CDH13: variants seen among roughly 807,000 people sequenced by gnomAD.
The protein encoded by CDH13 is cadherin-13.
A neutral mutation model predicts 63.8 loss-of-function variants in CDH13; 24 were observed. That is an observed-to-expected ratio of 0.38 (90% confidence interval 0.27 to 0.53). The LOEUF is 0.53. CDH13 is among the 20% of genes least tolerant of loss of function. The probability of loss-of-function intolerance (pLI) is 0.85; values close to 1 mark genes in which losing one functional copy is unlikely to be tolerated. For missense variants in CDH13, 1,049 were observed against 903.1 expected (o/e 1.16, Z -2.07); for synonymous variants, 503 against 355.3 (o/e 1.42, Z -4.67).
chr16:82,820,303 A>G (rs2037942790), intron 1 of CDH13, among the ~76,000 whole-genome samples: 1 of 152,234 alleles, frequency 6.6e-6, no homozygotes, highest in Admixed American at 6.5e-5. Flanking sequence ...GTTGGTACTC[A>G]TAAAAGACCA....
At chr16:82,868,185 T>A (rs1005531413) in intron 2 of CDH13, among the ~76,000 whole-genome samples, 6 of 152,212 alleles carry the variant, frequency 3.9e-5, no homozygotes, top group African/African-American at 1.4e-4. Context: ...CAAGGAAAAT[T>A]ATTCTGGTAT....
intron 5 of CDH13, among the ~76,000 whole-genome samples, chr16:83,285,126 G>A (rs578254397): frequency 1.3e-5 from 2 of 152,178 alleles, no homozygotes; most frequent in South Asian, 4.1e-4. Flanking sequence ...TTTGTCTGGA[G>A]GACCAGAGTA....
At chr16:82,863,124 C>G (rs1319656717) in intron 2 of CDH13, among the ~76,000 whole-genome samples, 2 of 152,110 alleles carry the variant, frequency 1.3e-5, no homozygotes, top group African/African-American at 4.8e-5. Context: ...AAGATCCTAA[C>G]AAAATGATGT....
At chr16:83,100,968 A>C (rs1472247578) in intron 3 of CDH13, among the ~76,000 whole-genome samples, 1 of 152,128 alleles carries the variant, frequency 6.6e-6, no homozygotes, top group Non-Finnish European at 1.5e-5. Context: ...TGGATGATTG[A>C]ATTCTTTCTC....
At chr16:83,249,415 C>T (rs995494474) in intron 5 of CDH13, among the ~76,000 whole-genome samples, 4 of 152,226 alleles carry the variant, frequency 2.6e-5, no homozygotes, top group African/African-American at 9.6e-5. Flanking sequence ...GGTTAAGTTA[C>T]AGCAGATAAC....
At chr16:83,778,709 T>C (rs1269356889) in intron 11 of CDH13, among the ~76,000 whole-genome samples, 1 of 152,236 alleles carries the variant, frequency 6.6e-6, no homozygotes, top group Non-Finnish European at 1.5e-5. Flanking sequence ...TGTAGCCAGC[T>C]AGTGATCTCA....
Position 83,088,215 on chromosome 16 carries a change from A to G in CDH13, c.367-37170A>G, listed in dbSNP as rs548745466. Among the ~76,000 whole-genome samples, 6 of 152,276 alleles carry G rather than the reference A, an allele frequency of 3.9e-5. No homozygotes were observed. The South Asian group carries it at 8.3e-4, about 21-fold the overall frequency. On this transcript the variant is annotated intron_variant, in intron 3 of 13. Coordinates refer to ENST00000567109, the MANE Select transcript of CDH13 (RefSeq NM_001257.5). Reference sequence around the variant, plus strand: ...TTTAGTTTGTGTTGACACATTGCAGATTCAACTCTGACATGTTATTTCCTT... The same window carrying G: ...TTTAGTTTGTGTTGACACATTGCAGGTTCAACTCTGACATGTTATTTCCTT...
At chr16:83,267,399 A>C (rs1907754253) in intron 5 of CDH13, among the ~76,000 whole-genome samples, 1 of 152,174 alleles carries the variant, frequency 6.6e-6, no homozygotes, top group Non-Finnish European at 1.5e-5. Context: ...TGTCAGAGGC[A>C]GGCACATCGG....
chr16:83,314,461 A>C (rs1369964051), intron 5 of CDH13, among the ~76,000 whole-genome samples: 1 of 152,138 alleles, frequency 6.6e-6, no homozygotes, highest in African/African-American at 2.4e-5. Context: ...AGGACAGAGC[A>C]CCCTCTGTGA....
chr16:82,812,531 G>A (rs909076231), intron 1 of CDH13, among the ~76,000 whole-genome samples: 1 of 152,096 alleles, frequency 6.6e-6, no homozygotes, highest in Non-Finnish European at 1.5e-5. Flanking sequence ...GGGTGCTTCA[G>A]TGAGAAGAGA....
intron 7 of CDH13, among the ~76,000 whole-genome samples, chr16:83,559,786 G>A (rs1345015898): frequency 6.6e-6 from 1 of 152,160 alleles, no homozygotes; most frequent in Non-Finnish European, 1.5e-5. Context: ...AAAGAACAGG[G>A]ATTGGAAGCC....
chr16:83,280,899 C>G (rs2089150010), intron 5 of CDH13, among the ~76,000 whole-genome samples: 1 of 152,210 alleles, frequency 6.6e-6, no homozygotes, highest in African/African-American at 2.4e-5. Context: ...AGCAGTAAGT[C>G]TGAGCAGTGG....
intron 1 of CDH13, among the ~76,000 whole-genome samples, chr16:82,673,366 C>G (rs909721358): frequency 6.6e-6 from 1 of 152,146 alleles, no homozygotes; most frequent in East Asian, 1.9e-4. Context: ...AATGCCATTA[C>G]TAGTTCTCTC....
chr16:83,267,936 T>C (rs1003553970), intron 5 of CDH13, among the ~76,000 whole-genome samples: 4 of 152,194 alleles, frequency 2.6e-5, no homozygotes, highest in Non-Finnish European at 5.9e-5. Flanking sequence ...TGTCTCTCAG[T>C]CACAGGTGAG....
Position 83,134,544 on chromosome 16 carries a change from G to GGAGAGAGAGAGA in CDH13, c.483+9081_483+9092dup, listed in dbSNP as rs67135267. Reference sequence around the variant, plus strand: ...GATTTTATGTGGGGATGGGGTGGGGGGAGAGAGAGAGAGAGAGAGAGAGAG... The same window carrying GGAGAGAGAGAGA: ...GATTTTATGTGGGGATGGGGTGGGGGGAGAGAGAGAGAGAGAGAGAGAGAGAGAGAGAGAGAG... On this transcript the variant is annotated intron_variant, in intron 4 of 13. Transcript: ENST00000567109. Among the ~76,000 whole-genome samples the GGAGAGAGAGAGA allele has an allele frequency of 2.8e-3, 232 of 84,316 alleles. 4 individuals carry two copies. The highest frequency in any genetic ancestry group is 3.4e-3 in the Non-Finnish European group (152 of 44,528). The allele number at this position is 84,316 out of a possible 152,430, so 55.3% of individuals were successfully genotyped here. A position where few individuals can be genotyped will look rare whatever the true frequency, so the allele number is the denominator to read the frequency against.
At chr16:82,747,307 G>A (rs1405818785) in intron 1 of CDH13, among the ~76,000 whole-genome samples, 1 of 152,128 alleles carries the variant, frequency 6.6e-6, no homozygotes, top group Non-Finnish European at 1.5e-5. Context: ...AAGACCCTCA[G>A]GAGTATGCAC....
chr16:83,525,792 CT>C (rs556172164), intron 7 of CDH13, among the ~76,000 whole-genome samples: 3 of 152,286 alleles, frequency 2.0e-5, no homozygotes, highest in African/African-American at 7.2e-5. Context: ...AGAATTTTTT[CT>C]GGCTCAGAGA....
intron 6 of CDH13, among the ~76,000 whole-genome samples, chr16:83,360,512 G>A (rs751561989): frequency 1.1e-4 from 17 of 150,896 alleles, no homozygotes; most frequent in Admixed American, 1.1e-3. Context: ...CAGGCTTATT[G>A]TATGGATATA....
chr16:83,518,657 G>A (rs1464844567), intron 7 of CDH13, among the ~76,000 whole-genome samples: 2 of 149,602 alleles, frequency 1.3e-5, no homozygotes, highest in Non-Finnish European at 1.5e-5. Context: ...ATTTTTAGTA[G>A]AGACAGGGTT....
Sources: allele counts gnomAD v4.1 joint callset (sites outside exome capture counted in the v4.1 genomes callset), GRCh38; gene constraint gnomAD v4.1.1; transcripts MANE v1.5; gene names NCBI Gene and HGNC (gene_info 2026-07-23, HGNC 2026-07-21).